The following SPTLC2 variants were observed in gnomAD, a reference collection of about 807,000 sequenced individuals.
The protein encoded by SPTLC2 is serine palmitoyltransferase long chain base subunit 2.
In SPTLC2, 21 loss-of-function variants were observed where a neutral mutation model predicts 62.0. That is an observed-to-expected ratio of 0.34 (90% confidence interval 0.24 to 0.49). The LOEUF (loss-of-function observed/expected upper bound fraction) is 0.49, where lower values mean the gene tolerates loss of function less well. SPTLC2 is among the 20% of genes least tolerant of loss of function. The pLI is 0.99. For synonymous variants in SPTLC2, 261 were observed against 261.8 expected, an observed-to-expected ratio of 1.00 and a Z score of 0.03; for missense variants, 511 against 713.0, an observed-to-expected ratio of 0.72 and a Z score of 3.23.
rs907791668 is a variant in SPTLC2, at chr14:77,590,337, A to T, written c.327+6849T>A. Among the ~76,000 whole-genome samples the T allele has an allele frequency of 3.3e-5, 5 of 152,246 alleles. No homozygotes were observed. In the East Asian group the frequency reaches 9.6e-4, roughly 29 times the overall value. ...TAATATGTGCCAAGCACTCTATAGTACAGAGTAGTAAACAAAAAGGTAATA... is the reference window on the plus strand; with the variant it reads ...TAATATGTGCCAAGCACTCTATAGTTCAGAGTAGTAAACAAAAAGGTAATA... On this transcript the variant is annotated intron_variant, in intron 2 of 11. Coordinates refer to ENST00000216484, the MANE Select transcript of SPTLC2 (RefSeq NM_004863.4).
chr14:77,528,521 G>A (rs1425499821), intron 9 of SPTLC2, among the ~76,000 whole-genome samples: 1 of 152,160 alleles, frequency 6.6e-6, no homozygotes, highest in Non-Finnish European at 1.5e-5. Flanking sequence ...ATGAGGCACT[G>A]CGCCCAGCCC....
In SPTLC2 at chr14:77,555,353, C is replaced by G. The variant is rs1468515502; in HGVS notation, c.1123G>C (p.Gly375Arg). 6.2e-7 allele frequency: 1 copy of G among 1,614,092 alleles called. No homozygotes were observed. Among genetic ancestry groups the G allele is most frequent in the South Asian group, 1.1e-5 (1 of 91,078 alleles). Reference protein sequence around the residue: ...LDPEDVDVMMGTFTKSFGASG... With the variant: ...LDPEDVDVMMRTFTKSFGASG... ...GCACCAAAACTCTTTGTGAACGTTC[C>G]CATCATAACATCCACATCCTCGGGA... Residue 375 changes from glycine to arginine, a missense_variant, in exon 8 of 12, where the codon GGA (glycine) becomes CGA (arginine). Physicochemically the swap from Gly to Arg is moderately radical, Grantham distance 125 (BLOSUM62 -2). Coordinates refer to ENST00000216484, the MANE Select transcript of SPTLC2 (RefSeq NM_004863.4).
chr14:77,610,524 A>G (rs2140066649), intron 1 of SPTLC2, among the ~76,000 whole-genome samples: 1 of 152,158 alleles, frequency 6.6e-6, no homozygotes, highest in African/African-American at 2.4e-5. Context: ...GGGCTCAAGC[A>G]ATCCTTACAC....
rs1020712211 is a variant in SPTLC2 at position 77,558,235 on chromosome 14, G to A, written c.851-1089C>T. Among the ~76,000 whole-genome samples the A allele has an allele frequency of 5.3e-5, 8 of 152,030 alleles. No homozygotes were observed. The East Asian group carries it at 1.2e-3, about 22-fold the overall frequency. On this transcript the variant is annotated intron_variant, in intron 6 of 11. Coordinates refer to ENST00000216484, the MANE Select transcript of SPTLC2 (RefSeq NM_004863.4). ...GCTAATTTTGTACTTTTGTAGAGAC[G>A]GGGTTTCACCATGTTGGCCAGGCTT...
intron 2 of SPTLC2, among the ~76,000 whole-genome samples, chr14:77,579,574 C>G (rs186265057): frequency 0.019 from 2,869 of 152,208 alleles, 93 homozygotes; most frequent in African/African-American, 0.063. Context: ...CATAGCGAGA[C>G]TCTGTCTCAA....
At position 77,597,599 on chromosome 14, in the gene SPTLC2, A is replaced by AC. The variant is rs35139171; in HGVS notation, c.133-220dup. Among the ~76,000 whole-genome samples the AC allele has an allele frequency of 0.43, 65,438 of 150,850 alleles. 14,521 individuals are homozygous for AC. The highest frequency in any genetic ancestry group is 0.63 in the East Asian group (3,214 of 5,066). ...AGACCAGCCTGGTCAACATGGTGAA[A>AC]CCTGTCTCTACTAAAAATGCAAATA... On this transcript the variant is annotated intron_variant, in intron 1 of 11. Coordinates refer to ENST00000216484, the MANE Select transcript of SPTLC2 (RefSeq NM_004863.4).
At chr14:77,535,864 G>A (rs1202715124) in intron 9 of SPTLC2, 1 of 408,818 alleles carries the variant, frequency 2.4e-6, no homozygotes, top group East Asian at 7.9e-5. Context: ...AAATAACAAT[G>A]AGATATGGAG....
At chr14:77,556,903 T>C (rs2079587144) in intron 7 of SPTLC2, 138 bp downstream of exon 7, 2 of 702,910 alleles carry the variant, frequency 2.8e-6, no homozygotes, top group African/African-American at 3.5e-5. Flanking sequence ...GCTGACTCTG[T>C]TTCCAGGTAT....
In SPTLC2 at chr14:77,552,117, C is replaced by G; in HGVS notation, c.1282G>C (p.Gly428Arg). The change falls in exon 9 of 12, where the codon GGG (glycine) becomes CGG (arginine). Residue 428 changes from glycine to arginine, a missense_variant. Coordinates refer to ENST00000216484, the MANE Select transcript of SPTLC2 (RefSeq NM_004863.4). ...TTACCAAGGCTGGTGCCATCCTGCC[C>G]CATGATGCACTTCATGGAGGTGATG... ...QIITSMKCIM[G>R]QDGTSLGKEC... 1.2e-6 allele frequency: 2 copies of G among 1,614,108 alleles called. No individual in the cohort carries two copies. Among genetic ancestry groups the G allele is most frequent in the South Asian group, 2.2e-5 (2 of 91,054 alleles).
intron 2 of SPTLC2, among the ~76,000 whole-genome samples, chr14:77,580,732 A>G (rs2079745372): frequency 6.6e-6 from 1 of 152,030 alleles, no homozygotes; most frequent in South Asian, 2.1e-4. Context: ...CAAAAAGAAA[A>G]GAAGGCAGGA....
chr14:77,583,484 C>T (rs1595004775), intron 2 of SPTLC2, among the ~76,000 whole-genome samples: 2 of 152,180 alleles, frequency 1.3e-5, no homozygotes, highest in Middle Eastern at 6.8e-3. Context: ...GGTTGTATGC[C>T]AGACTTTCAG....
intron 9 of SPTLC2, among the ~76,000 whole-genome samples, chr14:77,536,583 A>AC (rs1402802815): frequency 6.6e-6 from 1 of 152,098 alleles, no homozygotes; most frequent in African/African-American, 2.4e-5. Flanking sequence ...CATTAGCAAT[A>AC]CCCCTTTTCA....
At chr14:77,545,240 C>G (rs912104327) in intron 9 of SPTLC2, among the ~76,000 whole-genome samples, 3 of 150,942 alleles carry the variant, frequency 2.0e-5, no homozygotes, top group Non-Finnish European at 2.9e-5. Context: ...GCTTTCAAAT[C>G]CGGCAAGCTC....
intron 2 of SPTLC2, among the ~76,000 whole-genome samples, chr14:77,591,613 T>C (rs1022581812): frequency 7.9e-5 from 12 of 152,122 alleles, no homozygotes; most frequent in African/African-American, 2.2e-4. Context: ...CAGGGTGGAG[T>C]GCAGTGGTGC....
intron 8 of SPTLC2, 59 bp downstream of exon 8, chr14:77,555,241 T>C (rs1016916316): frequency 6.2e-7 from 1 of 1,605,432 alleles, no homozygotes; most frequent in African/African-American, 1.3e-5. Context: ...AGGCCTGAGG[T>C]ACCAAATCTA....
intron 2 of SPTLC2, among the ~76,000 whole-genome samples, chr14:77,594,896 A>G (rs908737932): frequency 2.0e-5 from 3 of 152,224 alleles, no homozygotes; most frequent in Admixed American, 2.0e-4. Flanking sequence ...ACCATCGGTC[A>G]TAACTGCCAT....
intron 9 of SPTLC2, among the ~76,000 whole-genome samples, chr14:77,548,395 T>G (rs966912849): frequency 1.3e-5 from 2 of 152,194 alleles, no homozygotes; most frequent in Non-Finnish European, 2.9e-5. Context: ...ATAAAATACA[T>G]CAAAGCACAG....
At chr14:77,584,092 A>C (rs1182782746) in intron 2 of SPTLC2, among the ~76,000 whole-genome samples, 2 of 152,246 alleles carry the variant, frequency 1.3e-5, no homozygotes, top group African/African-American at 4.8e-5. Flanking sequence ...AGACCTTATC[A>C]AAAGTAGTCT....
At chr14:77,577,705 C>G (rs185068921) in intron 3 of SPTLC2, among the ~76,000 whole-genome samples, 78 of 152,184 alleles carry the variant, frequency 5.1e-4, no homozygotes, top group African/African-American at 1.8e-3. Flanking sequence ...TGAGACCATC[C>G]TGACTAACAC....
Sources: gnomAD v4.1 joint callset for allele counts (sites outside exome capture counted in the v4.1 genomes callset) on GRCh38, gnomAD v4.1.1 for gene constraint, MANE v1.5 for transcripts, NCBI Gene and HGNC (gene_info 2026-07-23, HGNC 2026-07-21) for gene names.